SUPT20H: variants seen among roughly 807,000 people sequenced by gnomAD.
SUPT20H encodes the protein SPT20 homolog, SAGA complex component, also known as transcription factor SPT20 homolog.
SUPT20H carries 82 observed loss-of-function variants against 122.8 expected under a neutral mutation model. That is an observed-to-expected ratio of 0.67 (90% CI 0.56 to 0.80). The LOEUF (loss-of-function observed/expected upper bound fraction) is 0.80, where lower values mean the gene tolerates loss of function less well. Ranked by LOEUF, SUPT20H falls within the 30% of genes least tolerant of loss-of-function variation. SUPT20H has a pLI of 0.00. For synonymous variants in SUPT20H, 291 were observed against 313.0 expected (o/e 0.93, Z 0.74); for missense variants, 831 against 921.6 (o/e 0.90, Z 1.27).
chr13:37,017,190 C>A (rs2060656997), intron 23 of SUPT20H, 55 bp downstream of exon 23: 2 of 1,611,926 alleles, frequency 1.2e-6, no homozygotes, highest in African/African-American at 2.7e-5. Context: ...TGGAATATAC[C>A]AAAAAATGTT....
intron 21 of SUPT20H, among the ~76,000 whole-genome samples, chr13:37,019,742 C>T (rs2061172958): frequency 6.6e-6 from 1 of 152,098 alleles, no homozygotes; most frequent in African/African-American, 2.4e-5. Flanking sequence ...AAATACATTC[C>T]AGGTATTGGC....
At chr13:37,039,144 C>A (rs1484546431) in intron 9 of SUPT20H, 2 of 152,140 alleles carry the variant, frequency 1.3e-5, no homozygotes, top group African/African-American at 4.8e-5. Flanking sequence ...ACAGCAGAAA[C>A]AATTGCCAAC....
intron 25 of SUPT20H, among the ~76,000 whole-genome samples, chr13:37,010,252 A>C (rs1330075191): frequency 6.6e-6 from 1 of 152,226 alleles, no homozygotes; most frequent in African/African-American, 2.4e-5. Flanking sequence ...AAAATATTAG[A>C]AAGTTAACAA....
At position 37,022,306 on chromosome 13, in the gene SUPT20H, G is replaced by C; in HGVS notation, c.1592-226C>G. On this transcript the variant is annotated intron_variant, in intron 19 of 25. Coordinates refer to ENST00000350612, the MANE Select transcript of SUPT20H (RefSeq NM_001014286.3). The surrounding 1 kb of genome is among the most constrained non-coding windows in gnomAD (Gnocchi z 4.5). ...GTTGGTGTAGGAGTAGATGGCTTAG[G>C]AGTTCCAGATCCTGCTCATTGAGAA... 7.3e-7 allele frequency: 1 copy of C among 1,370,528 alleles called. No homozygotes were observed. The highest frequency in any genetic ancestry group is 9.5e-7 in the Non-Finnish European group (1 of 1,058,114). 84.9% of individuals were successfully genotyped at this position (1,370,528 alleles called of 1,614,324 possible). A position where few individuals can be genotyped will look rare whatever the true frequency, so the allele number is the denominator to read the frequency against.
At position 37,009,831 on chromosome 13, in the gene SUPT20H, A is replaced by G. The variant is rs79506869; in HGVS notation, c.2203-22T>C. On this transcript the variant is annotated intron_variant, in intron 25 of 25. Transcript: ENST00000350612. The stretch of plus-strand genomic sequence containing the variant: ...ACTGCTGCAAAAGGGAGGGAAAAAA[A>G]TCGAGTTATGTTAAATGCAGGCAGG... 5 of 1,603,140 alleles carry G rather than the reference A, an allele frequency of 3.1e-6. No individual in the cohort carries two copies. The South Asian group carries it at 5.6e-5, about 18-fold the overall frequency.
chr13:37,020,043 T>C (rs1322475324), intron 21 of SUPT20H, among the ~76,000 whole-genome samples: 1 of 152,196 alleles, frequency 6.6e-6, no homozygotes, highest in Non-Finnish European at 1.5e-5. Flanking sequence ...TGGCCTCTGC[T>C]GCATTTTCTT....
At position 37,036,566 on chromosome 13, in the gene SUPT20H, C is replaced by T. The variant is rs532279571; in HGVS notation, c.568-2978G>A. Among the ~76,000 whole-genome samples the T allele has an allele frequency of 1.6e-4, 25 of 152,146 alleles. No individual in the cohort carries two copies. The South Asian group carries it at 3.1e-3, about 19-fold the overall frequency. ...CGATCTCCTGCCCTCATGATCCACC[C>T]GCCTCAGCCTCCCAAAGTGCTGGAA... is the stretch of plus-strand genomic sequence containing the variant. On this transcript the variant is annotated intron_variant, in intron 9 of 25. Coordinates refer to ENST00000350612, the MANE Select transcript of SUPT20H (RefSeq NM_001014286.3).
At chr13:37,019,046 A>G (rs2061024490) in intron 22 of SUPT20H, among the ~76,000 whole-genome samples, 1 of 152,210 alleles carries the variant, frequency 6.6e-6, no homozygotes, top group African/African-American at 2.4e-5. Flanking sequence ...ATTATTTTCT[A>G]AATACATCCA....
At chr13:37,054,345 T>A (rs1193177773) in intron 1 of SUPT20H, among the ~76,000 whole-genome samples, 1 of 152,196 alleles carries the variant, frequency 6.6e-6, no homozygotes, top group African/African-American at 2.4e-5. Context: ...ATATCCCTGA[T>A]GAACATCGAT....
At chr13:37,026,265 G>C (rs759389580) in intron 15 of SUPT20H, 29 bp from the exon 16 acceptor site, 2 of 1,458,356 alleles carry the variant, frequency 1.4e-6, no homozygotes, top group Non-Finnish European at 1.8e-6. Flanking sequence ...AAAAAGGAGA[G>C]AAAAGTATTA....
At chr13:37,054,442 T>C (rs1399663615) in intron 1 of SUPT20H, among the ~76,000 whole-genome samples, 3 of 152,204 alleles carry the variant, frequency 2.0e-5, no homozygotes, top group East Asian at 3.8e-4. Context: ...GCTTCATCCA[T>C]GGGATGCAAG....
chr13:37,055,021 C>A (rs2068616529), intron 1 of SUPT20H, among the ~76,000 whole-genome samples: 1 of 152,136 alleles, frequency 6.6e-6, no homozygotes, highest in African/African-American at 2.4e-5. Flanking sequence ...TTCACAATTG[C>A]TTCAAAGAGA....
intron 23 of SUPT20H, among the ~76,000 whole-genome samples, chr13:37,015,660 C>G (rs1214910823): frequency 6.6e-6 from 1 of 152,022 alleles, no homozygotes; most frequent in African/African-American, 2.4e-5. Context: ...CCACATGAAC[C>G]AGCAATCCAA....
At chr13:37,031,105 T>C (rs2063219831) in intron 12 of SUPT20H, among the ~76,000 whole-genome samples, 1 of 152,174 alleles carries the variant, frequency 6.6e-6, no homozygotes, top group Non-Finnish European at 1.5e-5. Context: ...TACAACCCAA[T>C]GTTCCTAATC....
At chr13:37,034,783 C>T (rs139959555) in intron 9 of SUPT20H, among the ~76,000 whole-genome samples, 5 of 152,316 alleles carry the variant, frequency 3.3e-5, no homozygotes, top group African/African-American at 1.2e-4. Flanking sequence ...CTTCAAAGAA[C>T]AGGCTGACTC....
intron 3 of SUPT20H, 117 bp from the exon 4 acceptor site, chr13:37,048,053 A>G (rs997248175): frequency 1.6e-5 from 10 of 612,128 alleles, no homozygotes; most frequent in Non-Finnish European, 2.6e-5. Context: ...AACTCTCTGA[A>G]TTACATCTTG....
rs544594323 is a variant in SUPT20H, at chr13:37,017,271, A to C, written c.1966T>G (p.Cys656Gly). Residue 656 changes from cysteine to glycine, a missense_variant, in exon 23 of 26, where the codon TGT becomes GGT. Physicochemically the swap from Cys to Gly is radical, Grantham distance 159. Coordinates refer to ENST00000350612, the MANE Select transcript of SUPT20H (RefSeq NM_001014286.3). The stretch of plus-strand genomic sequence containing the variant: ...TGCTCCCCTGGCTGTTGAGGACTAC[A>C]AGTTGTGGGCTGCTGAGGTTGTTGT... ...TPQQPQQPTT[C>G]SPQQPGEQGS... 6.8e-6 allele frequency: 11 copies of C among 1,614,082 alleles called. No individual in the cohort carries two copies. The African/African-American group carries it at 1.5e-4, about 22-fold the overall frequency.
intron 2 of SUPT20H, among the ~76,000 whole-genome samples, chr13:37,049,571 C>T (rs572673651): frequency 1.4e-4 from 22 of 152,226 alleles, no homozygotes; most frequent in African/African-American, 5.1e-4. Flanking sequence ...GAAACCCTAT[C>T]TCTACTAAAA....
At chr13:37,027,231 A>T (rs2062452326) in intron 14 of SUPT20H, among the ~76,000 whole-genome samples, 1 of 152,038 alleles carries the variant, frequency 6.6e-6, no homozygotes, top group Non-Finnish European at 1.5e-5. Flanking sequence ...ATACCCCTAT[A>T]TCTAAAATAA....
Sources: gnomAD v4.1 joint callset for allele counts (sites outside exome capture counted in the v4.1 genomes callset) on GRCh38, gnomAD v4.1.1 for gene constraint, Gnocchi (gnomAD v3.1) non-coding constraint, MANE v1.5 for transcripts, NCBI Gene and HGNC (gene_info 2026-07-23, HGNC 2026-07-21) for gene names.